The following CCDC138 variants were observed in gnomAD, a reference collection of about 807,000 sequenced individuals.
The protein encoded by CCDC138 is coiled-coil domain containing 138, also known as coiled-coil domain-containing protein 138.
Under a neutral mutation model 82.3 loss-of-function variants are expected in CCDC138, and 66 were observed. That is an observed-to-expected ratio of 0.80 (90% CI 0.66 to 0.98). The LOEUF (loss-of-function observed/expected upper bound fraction) is 0.98. CCDC138 is among the 50% of genes least tolerant of loss of function. CCDC138 has a pLI of 0.00. For missense variants in CCDC138, 816 were observed against 758.9 expected (o/e 1.08, Z -0.88); for synonymous variants, 297 against 265.4 (o/e 1.12, Z -1.16).
chr2:108,788,005 A>G (rs1558955836), intron 1 of CCDC138, 27 bp from the exon 2 acceptor site: 1 of 1,472,626 alleles, frequency 6.8e-7, no homozygotes, highest in South Asian at 1.3e-5. Context: ...TTAGTATACA[A>G]ATTAAATCTT....
At chr2:108,809,170 T>G (rs939099409) in intron 7 of CCDC138, among the ~76,000 whole-genome samples, 8 of 152,180 alleles carry the variant, frequency 5.3e-5, no homozygotes, top group Non-Finnish European at 1.2e-4. Context: ...GTTCCATTAG[T>G]CTATGTGTCT....
intron 10 of CCDC138, among the ~76,000 whole-genome samples, chr2:108,819,746 T>C (rs958642356): frequency 6.6e-6 from 1 of 152,188 alleles, no homozygotes; most frequent in Non-Finnish European, 1.5e-5. Context: ...TTTTCTGTTT[T>C]TTCAAATGCC....
At chr2:108,884,537 CTTTG>C (rs1236270919) in intron 2 of CCDC138, 1 of 152,160 alleles carries the variant, frequency 6.6e-6, no homozygotes, top group East Asian at 1.9e-4. Context: ...GAGAAGAGAT[CTTTG>C]TTTTGTTTTT....
intron 12 of CCDC138, among the ~76,000 whole-genome samples, chr2:108,854,033 A>ATATAATATATAATAAATTTATATTATC: frequency 9.2e-6 from 1 of 108,164 alleles, no homozygotes; most frequent in African/African-American, 4.1e-5. Flanking sequence ...TTTATATTAT[A>ATATAATATATAATAAATTTATATTATC]TATAATATAT....
intron 13 of CCDC138, among the ~76,000 whole-genome samples, chr2:108,860,490 A>G (rs1205133645): frequency 6.7e-6 from 1 of 149,824 alleles, no homozygotes; most frequent in Non-Finnish European, 1.5e-5. Context: ...GACTCTTATT[A>G]TTTCAATGCC....
chr2:108,845,494 A>G (rs563359407), intron 11 of CCDC138, among the ~76,000 whole-genome samples: 42 of 152,282 alleles, frequency 2.8e-4, no homozygotes, highest in African/African-American at 9.4e-4. Context: ...GTCATAATAA[A>G]GGAAATTTTA....
downstream of CCDC138, among the ~76,000 whole-genome samples, chr2:108,879,194 A>G (rs913882571): frequency 2.0e-5 from 3 of 151,858 alleles, no homozygotes; most frequent in Non-Finnish European, 2.9e-5. Flanking sequence ...CTGGTCTTGA[A>G]CTCCTGAGCT....
chr2:108,871,370 T>C (rs1284203252), intron 13 of CCDC138, among the ~76,000 whole-genome samples: 14 of 76,638 alleles, frequency 1.8e-4, no homozygotes, highest in Admixed American at 5.1e-4. Context: ...CCAACTCTAT[T>C]AAAAAAAAAA....
At chr2:108,805,864 A>C (rs1429774378) in intron 7 of CCDC138, among the ~76,000 whole-genome samples, 1 of 152,224 alleles carries the variant, frequency 6.6e-6, no homozygotes, top group Admixed American at 6.5e-5. Context: ...GAGTATGTTA[A>C]AGAGAGACAA....
Position 108,788,088 on chromosome 2 carries a change from A to C in CCDC138, c.150A>C (p.Pro50=), listed in dbSNP as rs1256965962. Residue 50 remains proline, a splice_region_variant and synonymous_variant, in exon 2 of 15, where the codon CCA becomes CCC. Transcript: ENST00000295124. ...SKYKRRTLTS[P]GDLDIYSGDK... ...ATAAGAGAAGAACTCTAACCTCCCC[A>C]GGTAAGCCGGTATTTTGTATATTTG... is the stretch of plus-strand genomic sequence containing the variant. The C allele has an allele frequency of 1.2e-6, 2 of 1,602,198 alleles. No homozygotes were observed. Among genetic ancestry groups the C allele is most frequent in the East Asian group, 2.2e-5 (1 of 44,636 alleles).
chr2:108,818,855 TTTAC>T (rs1685201088), intron 10 of CCDC138, among the ~76,000 whole-genome samples: 1 of 152,072 alleles, frequency 6.6e-6, no homozygotes, highest in African/African-American at 2.4e-5. Flanking sequence ...ACAGTTATAA[TTTAC>T]TTAAGGATGG....
rs946375014 is a variant in CCDC138, at chr2:108,795,055, TTA to T, written c.576+341_576+342del. Among the ~76,000 whole-genome samples, 20 of 82,160 alleles carry T rather than the reference TTA, an allele frequency of 2.4e-4. No individual in the cohort carries two copies. The Admixed American group carries it at 3.1e-3, about 13-fold the overall frequency. The allele number at this position is 82,160 out of a possible 152,430, so 53.9% of individuals were successfully genotyped here. ...GCTCTAGCTTTATTGTTTTAAGTAC[TTA>T]TATATAAAAAGTCTTCTTGTCAACT... On this transcript the variant is annotated intron_variant, in intron 5 of 14. Coordinates refer to ENST00000295124, the MANE Select transcript of CCDC138 (RefSeq NM_144978.3).
At chr2:108,803,432 T>TA (rs879892073) in intron 6 of CCDC138, among the ~76,000 whole-genome samples, 57 of 152,052 alleles carry the variant, frequency 3.7e-4, no homozygotes, top group Admixed American at 5.9e-4. Flanking sequence ...TAGTGGAAAT[T>TA]AAAAAAAAAT....
chr2:108,885,429 A>G (rs1242094163), exon 3 of CCDC138: 1 of 152,232 alleles, frequency 6.6e-6, no homozygotes, highest in Non-Finnish European at 1.5e-5. Flanking sequence ...TATGAATATA[A>G]TGGCTTTCTC....
At chr2:108,868,451 A>G (rs569790854) in intron 13 of CCDC138, among the ~76,000 whole-genome samples, 25 of 152,216 alleles carry the variant, frequency 1.6e-4, no homozygotes, top group Non-Finnish European at 2.6e-4. Flanking sequence ...GTTTCAAGAA[A>G]TAACTTAGAC....
intron 10 of CCDC138, among the ~76,000 whole-genome samples, chr2:108,822,627 C>T (rs758642002): frequency 1.3e-5 from 2 of 152,124 alleles, no homozygotes; most frequent in Non-Finnish European, 2.9e-5. Context: ...TGAAGTGAAA[C>T]CTCAAACCAA....
At chr2:108,799,680 A>G (rs937941057) in intron 6 of CCDC138, among the ~76,000 whole-genome samples, 18 of 152,080 alleles carry the variant, frequency 1.2e-4, no homozygotes, top group African/African-American at 3.9e-4. Flanking sequence ...TCTTTGGCCA[A>G]ATTTGGGGAA....
chr2:108,809,725 G>T (rs1181971955), intron 7 of CCDC138, among the ~76,000 whole-genome samples: 1 of 151,972 alleles, frequency 6.6e-6, no homozygotes, highest in African/African-American at 2.4e-5. Context: ...GAAATTTTTG[G>T]TGGAGTCTTT....
At chr2:108,796,506 G>T (rs996183048) in intron 5 of CCDC138, among the ~76,000 whole-genome samples, 1 of 152,128 alleles carries the variant, frequency 6.6e-6, no homozygotes, top group Non-Finnish European at 1.5e-5. Context: ...AGAAAACGGC[G>T]TATCGAAGAG....
Sources: gnomAD v4.1 joint callset for allele counts (sites outside exome capture counted in the v4.1 genomes callset) on GRCh38, gnomAD v4.1.1 for gene constraint, MANE v1.5 for transcripts, NCBI Gene and HGNC (gene_info 2026-07-23, HGNC 2026-07-21) for gene names.